AFF2: variants seen among roughly 807,000 people sequenced by gnomAD.
AFF2 encodes the protein AF4/FMR2 family member 2.
In AFF2, 14 loss-of-function variants were observed where a neutral mutation model predicts 76.9. That is an observed-to-expected ratio of 0.18 (90% CI 0.12 to 0.28). The LOEUF is 0.28. Among genes scored for constraint, AFF2 ranks in the 10% least tolerant of loss-of-function variants. The probability of loss-of-function intolerance (pLI) is 1.00; values close to 1 mark genes in which losing one functional copy is unlikely to be tolerated. For missense variants in AFF2, 868 were observed against 1,001.1 expected (o/e 0.87, Z 1.79); for synonymous variants, 398 against 366.7 (o/e 1.09, Z -0.98).
rs782037837 is a variant in AFF2 at position 148,956,204 on chromosome X, C to G, written c.2159C>G (p.Ser720Cys). 8.3e-6 allele frequency: 10 copies of G among 1,209,163 alleles called. No homozygotes were observed. The South Asian group carries it at 1.6e-4, about 19-fold the overall frequency. Residue 720 changes from serine (S) to cysteine (C), a missense_variant, in exon 11 of 21, where the codon TCC (serine) becomes TGC (cysteine). Ser to Cys is a moderately radical substitution (Grantham distance 112). This residue lies in a region of AFF2 where 532 missense variants were observed against 564.2 expected (regional missense o/e 0.94). Coordinates refer to ENST00000370460, the MANE Select transcript of AFF2 (RefSeq NM_002025.4). ...GAAACAGATTCATCTACATCTGACT[C>G]CAACACAGATCAGGAAGAGACCCTG... ...FIETDSSTSDSNTDQEETLQI... is the reference protein window; with the variant it reads ...FIETDSSTSDCNTDQEETLQI...
chrX:148,599,737 G>GA (rs2053608663), intron 1 of AFF2, among the ~76,000 whole-genome samples: 2 of 111,518 alleles, frequency 1.8e-5, no homozygotes, highest in South Asian at 7.5e-4. Context: ...CCAAATGCTG[G>GA]AAAAAGGAAA....
At chrX:148,905,703 C>G (rs1458619039) in intron 9 of AFF2, among the ~76,000 whole-genome samples, 1 of 112,677 alleles carries the variant, frequency 8.9e-6, no homozygotes, top group Non-Finnish European at 1.9e-5. Flanking sequence ...TCTCCAAGCT[C>G]CAGCCCTCCC....
intron 1 of AFF2, among the ~76,000 whole-genome samples, chrX:148,538,402 G>A (rs1199440234): frequency 1.8e-5 from 2 of 111,567 alleles, no homozygotes; most frequent in African/African-American, 3.3e-5. Flanking sequence ...CCATGCTGCC[G>A]GTCCCTGGAC....
intron 1 of AFF2, among the ~76,000 whole-genome samples, chrX:148,533,420 G>A (rs1348307543): frequency 2.7e-5 from 3 of 109,894 alleles, no homozygotes; most frequent in Non-Finnish European, 5.7e-5. Flanking sequence ...AGCCTCCCGA[G>A]TAGCTGGGAC....
chrX:148,512,538 C>T (rs2052493304), intron 1 of AFF2, among the ~76,000 whole-genome samples: 1 of 112,214 alleles, frequency 8.9e-6, no homozygotes, highest in African/African-American at 3.2e-5. Flanking sequence ...AAAGCGAATT[C>T]TAAATGTAGA....
chrX:148,839,278 C>T (rs977093666), intron 5 of AFF2, among the ~76,000 whole-genome samples: 1 of 111,978 alleles, frequency 8.9e-6, no homozygotes, highest in Non-Finnish European at 1.9e-5. Flanking sequence ...ATGGTGAAAG[C>T]AAGAAGTCTA....
chrX:148,650,894 T>C lies in AFF2; in HGVS notation c.48-1105T>C, dbSNP rs946054582. On this transcript the variant is annotated intron_variant, in intron 1 of 20. Coordinates refer to ENST00000370460, the MANE Select transcript of AFF2 (RefSeq NM_002025.4). ...GCTATTATGTTCATTTGCATGTCAA[T>C]TATCTAATTAAGTCTTAACATGGGA... is the stretch of plus-strand genomic sequence containing the variant. Among the ~76,000 whole-genome samples, 5 of 112,296 alleles carry C rather than the reference T, an allele frequency of 4.5e-5. No homozygotes were observed. In the Admixed American group the frequency reaches 4.7e-4, roughly 11 times the overall value.
chrX:148,822,333 A>G (rs2070338043), intron 4 of AFF2: 1 of 111,434 alleles, frequency 9.0e-6, no homozygotes. Context: ...ATTCAACTCT[A>G]TAGATAAGCA....
intron 3 of AFF2, among the ~76,000 whole-genome samples, chrX:148,758,085 T>C (rs782756507): frequency 1.8e-5 from 2 of 112,540 alleles, no homozygotes; most frequent in East Asian, 5.6e-4. Flanking sequence ...CATGATCCTA[T>C]GTAGGGCAAA....
intron 1 of AFF2, among the ~76,000 whole-genome samples, chrX:148,555,738 A>C (rs73618334): frequency 8.9e-6 from 1 of 112,425 alleles, no homozygotes; most frequent in African/African-American, 3.2e-5. Context: ...CAAAACTAAA[A>C]TCACCATAAG....
At position 148,524,392 on chromosome X, in the gene AFF2, G is replaced by T. The variant is rs782177024; in HGVS notation, c.47+23248G>T. 2.1e-4 allele frequency among the ~76,000 whole-genome samples: 23 copies of T among 110,736 alleles called. No homozygotes were observed. The South Asian group carries it at 8.3e-3, about 40-fold the overall frequency. The stretch of plus-strand genomic sequence containing the variant: ...TCAGTTTACTTCTCATTTCTTCATT[G>T]CCTTTCAGATAAGTACTTCCACAGG... On this transcript the variant is annotated intron_variant, in intron 1 of 20. Coordinates refer to ENST00000370460, the MANE Select transcript of AFF2 (RefSeq NM_002025.4).
chrX:148,588,237 T>C (rs2053488003), intron 1 of AFF2, among the ~76,000 whole-genome samples: 1 of 113,097 alleles, frequency 8.8e-6, no homozygotes, highest in African/African-American at 3.2e-5. Context: ...AATGTAGACA[T>C]TTCTAATACA....
chrX:148,858,086 C>G (rs960324537), intron 7 of AFF2, among the ~76,000 whole-genome samples: 2 of 111,148 alleles, frequency 1.8e-5, no homozygotes, highest in South Asian at 7.5e-4. Context: ...ATTCCAATAA[C>G]GTAAATGGGA....
chrX:148,877,744 C>G, intron 7 of AFF2, among the ~76,000 whole-genome samples: 1 of 111,921 alleles, frequency 8.9e-6, no homozygotes, highest in Non-Finnish European at 1.9e-5. Flanking sequence ...TCACATAGGA[C>G]TAAGAATTGG....
chrX:148,581,267 CACACATAT>C (rs1278808504), intron 1 of AFF2, among the ~76,000 whole-genome samples: 23 of 65,984 alleles, frequency 3.5e-4, no homozygotes, highest in Non-Finnish European at 4.8e-4. Context: ...TATACGTGTA[CACACATAT>C]ACACGTATAT....
chrX:148,887,193 C>T (rs2071169277), intron 8 of AFF2, among the ~76,000 whole-genome samples: 1 of 112,744 alleles, frequency 8.9e-6, no homozygotes, highest in African/African-American at 3.2e-5. Flanking sequence ...ATAGTGCTGG[C>T]CTAAGCCAAT....
intron 3 of AFF2, among the ~76,000 whole-genome samples, chrX:148,728,686 G>A (rs1373704695): frequency 1.8e-5 from 2 of 112,316 alleles, no homozygotes; most frequent in African/African-American, 3.2e-5. Flanking sequence ...AGATCCAGGC[G>A]TGAAATGCTT....
chrX:148,688,157 G>T (rs1557260479), intron 3 of AFF2, among the ~76,000 whole-genome samples: 1 of 111,169 alleles, frequency 9.0e-6, no homozygotes, highest in East Asian at 2.9e-4. Context: ...TGACTCAGCT[G>T]ATTTCTGCTG....
chrX:148,691,679 T>C (rs1234549957), intron 3 of AFF2, among the ~76,000 whole-genome samples: 12 of 111,543 alleles, frequency 1.1e-4, no homozygotes, highest in African/African-American at 3.9e-4. Flanking sequence ...GGACCCAATG[T>C]AGTTTGGTAC....
Sources: gnomAD v4.1 joint callset for allele counts (sites outside exome capture counted in the v4.1 genomes callset) on GRCh38, gnomAD v4.1.1 for gene constraint, gnomAD v4.1.1 regional missense constraint, MANE v1.5 for transcripts, NCBI Gene and HGNC (gene_info 2026-07-23, HGNC 2026-07-21) for gene names.